Variants in MAP2K5 observed in about 807,000 individuals in gnomAD.
MAP2K5 encodes dual specificity mitogen-activated protein kinase kinase 5.
Under a neutral mutation model 83.1 loss-of-function variants are expected in MAP2K5, and 49 were observed. That is an observed-to-expected ratio of 0.59 (90% CI 0.47 to 0.75). The LOEUF (loss-of-function observed/expected upper bound fraction) is 0.75, where lower values mean the gene tolerates loss of function less well. MAP2K5 is among the 30% of genes least tolerant of loss of function. MAP2K5 has a pLI of 0.00. For missense variants in MAP2K5, 457 were observed against 557.5 expected, an observed-to-expected ratio of 0.82 and a Z score of 1.82; for synonymous variants, 202 against 191.8, an observed-to-expected ratio of 1.05 and a Z score of -0.44.
rs1029411461 is a variant in MAP2K5, at chr15:67,786,229, A to G, written c.1242+13477A>G. ...ATGTGACTTAGAATAAATTATATGTATGTCGGATGTTTGCAATTGGTGTAC... is the reference window on the plus strand; with the variant it reads ...ATGTGACTTAGAATAAATTATATGTGTGTCGGATGTTTGCAATTGGTGTAC... On this transcript the variant is annotated intron_variant, in intron 21 of 21. Transcript: ENST00000178640. The surrounding 1 kb of genome is among the most constrained non-coding windows in gnomAD (Gnocchi z 4.7). Among the ~76,000 whole-genome samples the G allele has an allele frequency of 2.0e-5, 3 of 151,706 alleles. No homozygotes were observed. Among genetic ancestry groups the G allele is most frequent in the Admixed American group, 6.6e-5 (1 of 15,236 alleles).
In MAP2K5 at chr15:67,693,571, A is replaced by G. The variant is rs190809177; in HGVS notation, c.972+3A>G. ...TTGGAACAAATGCTTATATGGCGGT[A>G]AGTAAACTTATGCAAAAATAATGTT... On this transcript the variant is annotated splice_donor_region_variant and intron_variant, in intron 15 of 21. Transcript: ENST00000178640. 1.2e-4 allele frequency: 200 copies of G among 1,608,140 alleles called. 1 individual carries two copies. In the African/African-American group the frequency reaches 2.5e-3, roughly 20 times the overall value.
At chr15:67,713,817 C>T (rs2088759361) in intron 16 of MAP2K5, among the ~76,000 whole-genome samples, 1 of 151,818 alleles carries the variant, frequency 6.6e-6, no homozygotes. Flanking sequence ...GCGAGTTTGT[C>T]ATTTTGTCAT....
intron 19 of MAP2K5, among the ~76,000 whole-genome samples, chr15:67,751,209 T>C (rs2089711757): frequency 6.6e-6 from 1 of 151,864 alleles, no homozygotes; most frequent in African/African-American, 2.4e-5. Flanking sequence ...TAAATAGGAA[T>C]AAGAACCATG....
intron 2 of MAP2K5, among the ~76,000 whole-genome samples, chr15:67,553,889 C>T (rs1167936532): frequency 1.1e-4 from 12 of 113,590 alleles, no homozygotes; most frequent in South Asian, 6.3e-4. Context: ...GTCCGCAGTC[C>T]GGCCTGGGCG....
chr15:67,782,595 A>G lies in MAP2K5; in HGVS notation c.1242+9843A>G, dbSNP rs2090346236. ...ACAGGGAGCAGCTAATTGTCTATGAAGGGCCCCCGTGTTTAAACGGGCTTG... is the reference window on the plus strand; with the variant it reads ...ACAGGGAGCAGCTAATTGTCTATGAGGGGCCCCCGTGTTTAAACGGGCTTG... On this transcript the variant is annotated intron_variant, in intron 21 of 21. Coordinates refer to ENST00000178640, the MANE Select transcript of MAP2K5 (RefSeq NM_145160.3). This position sits in a 1 kb window ranked among gnomAD's most constrained non-coding sequence, Gnocchi z 4.9. Among the ~76,000 whole-genome samples the G allele has an allele frequency of 6.6e-6, 1 of 152,210 alleles. No individual in the cohort carries two copies. The highest frequency in any genetic ancestry group is 1.5e-5 in the Non-Finnish European group (1 of 68,036).
rs75010760 is a variant in MAP2K5, at chr15:67,749,598, A to G, written c.1134+997A>G. Among the ~76,000 whole-genome samples, 12,573 of 152,220 alleles carry G rather than the reference A, an allele frequency of 0.083. 640 individuals are homozygous for G. Among genetic ancestry groups the G allele is most frequent in the East Asian group, 0.15 (789 of 5,190 alleles). On this transcript the variant is annotated intron_variant, in intron 19 of 21. Coordinates refer to ENST00000178640, the MANE Select transcript of MAP2K5 (RefSeq NM_145160.3). This position sits in a 1 kb window ranked among gnomAD's most constrained non-coding sequence, Gnocchi z 4.6. ...AGGAAAAAAATAAACACACACACACATATCACAATAATAGTAAGAGTGGGG... is the reference window on the plus strand; with the variant it reads ...AGGAAAAAAATAAACACACACACACGTATCACAATAATAGTAAGAGTGGGG...
At chr15:67,685,274 G>A (rs1331348089) in intron 13 of MAP2K5, among the ~76,000 whole-genome samples, 1 of 152,166 alleles carries the variant, frequency 6.6e-6, no homozygotes, top group Non-Finnish European at 1.5e-5. Context: ...CACAAGCTAT[G>A]CAAGCCAGAA....
At position 67,542,982 on chromosome 15, in the gene MAP2K5, A is replaced by G. The variant is rs1369118677; in HGVS notation, c.-354A>G. ...ACACCTGCCGCTGTATCTCCCCCAA[A>G]CCGAGTCCTTGCCCTGCTGCCTCCT... On this transcript the variant is annotated 5_prime_UTR_variant, in exon 1 of 22. Transcript: ENST00000178640. 4 of 293,114 alleles carry G rather than the reference A, an allele frequency of 1.4e-5. No homozygotes were observed. Among genetic ancestry groups the G allele is most frequent in the Non-Finnish European group, 2.6e-5 (4 of 150,990 alleles). 18.2% of individuals were successfully genotyped at this position (293,114 alleles called of 1,614,324 possible).
Position 67,587,667 on chromosome 15 carries a change from G to A in MAP2K5, c.431+754G>A, listed in dbSNP as rs1037279582. ...TCTTTCTATAGCGCCCACTCATAAC[G>A]TTTTAGTTAAGCCCTCAGAACGTGG... On this transcript the variant is annotated intron_variant, in intron 6 of 21. Coordinates refer to ENST00000178640, the MANE Select transcript of MAP2K5 (RefSeq NM_145160.3). This position sits in a 1 kb window ranked among gnomAD's most constrained non-coding sequence, Gnocchi z 4.8. Among the ~76,000 whole-genome samples, 25 of 152,254 alleles carry A rather than the reference G, an allele frequency of 1.6e-4. No individual in the cohort carries two copies. The highest frequency in any genetic ancestry group is 3.4e-3 in the Middle Eastern group (1 of 294).
intron 13 of MAP2K5, among the ~76,000 whole-genome samples, chr15:67,671,648 GT>G (rs879340541): frequency 0.012 from 1,821 of 148,404 alleles, 42 homozygotes; most frequent in African/African-American, 0.044. Flanking sequence ...GCAAGAACAC[GT>G]TTTTTTTTCT....
intron 19 of MAP2K5, among the ~76,000 whole-genome samples, chr15:67,751,587 T>C (rs1366411974): frequency 6.6e-6 from 1 of 152,172 alleles, no homozygotes; most frequent in East Asian, 1.9e-4. Flanking sequence ...TAACTGAAAT[T>C]TATGACTGTA....
In MAP2K5 at chr15:67,636,407, C is replaced by CA. The variant is rs566333001; in HGVS notation, c.585+5495dup. ...TGGGCAACAGAATAAGACTCCGTCT[C>CA]AAAAAAAAAAAAAAAGTATGAAATA... is the stretch of plus-strand genomic sequence containing the variant. On this transcript the variant is annotated intron_variant, in intron 9 of 21. Transcript: ENST00000178640. The surrounding 1 kb of genome is among the most constrained non-coding windows in gnomAD (Gnocchi z 4.7). 3.0e-3 allele frequency among the ~76,000 whole-genome samples: 331 copies of CA among 109,334 alleles called. 1 individual carries two copies. The highest frequency in any genetic ancestry group is 9.6e-3 in the Middle Eastern group (2 of 208). The allele number at this position is 109,334 out of a possible 152,430, so 71.7% of individuals were successfully genotyped here.
rs16951160 is a variant in MAP2K5 at position 67,719,228 on chromosome 15, C to T, written c.1045-8688C>T. Reference sequence around the variant, plus strand: ...GTGAAAATGGTAGCTACTGATCAGTCTAAGCAGTGATACGTAAGAGGGCCT... The same window carrying T: ...GTGAAAATGGTAGCTACTGATCAGTTTAAGCAGTGATACGTAAGAGGGCCT... On this transcript the variant is annotated intron_variant, in intron 16 of 21. Transcript: ENST00000178640. The surrounding 1 kb of genome is among the most constrained non-coding windows in gnomAD (Gnocchi z 4.6). 0.013 allele frequency among the ~76,000 whole-genome samples: 1,934 copies of T among 152,226 alleles called. 138 individuals are homozygous for T. Among genetic ancestry groups the T allele is most frequent in the Admixed American group, 0.11 (1,658 of 15,262 alleles).
chr15:67,671,853 C>T (rs1483129214), intron 13 of MAP2K5, among the ~76,000 whole-genome samples: 1 of 139,992 alleles, frequency 7.1e-6, no homozygotes, highest in African/African-American at 2.7e-5. Flanking sequence ...TGATGTTCCC[C>T]TTCCTGTGTC....
At chr15:67,688,272 TC>T in intron 13 of MAP2K5, among the ~76,000 whole-genome samples, 1 of 152,310 alleles carries the variant, frequency 6.6e-6, no homozygotes, top group African/African-American at 2.4e-5. Flanking sequence ...GGGAGGACTT[TC>T]CATTTTTGCA....
At chr15:67,792,898 C>A (rs1371386414) in intron 21 of MAP2K5, among the ~76,000 whole-genome samples, 1 of 152,164 alleles carries the variant, frequency 6.6e-6, no homozygotes, top group Non-Finnish European at 1.5e-5. Context: ...TGCTTCATGG[C>A]AAACTTTACA....
At chr15:67,766,335 T>TTAA (rs2090041223) in intron 19 of MAP2K5, among the ~76,000 whole-genome samples, 1 of 152,230 alleles carries the variant, frequency 6.6e-6, no homozygotes, top group East Asian at 1.9e-4. Flanking sequence ...AGAAAAGCCC[T>TTAA]TAAGGTGAGG....
At chr15:67,756,514 ACTGTGT>A (rs1310206479) in intron 19 of MAP2K5, among the ~76,000 whole-genome samples, 103 of 97,926 alleles carry the variant, frequency 1.1e-3, no homozygotes, top group African/African-American at 2.4e-3. Flanking sequence ...ACACACAGTT[ACTGTGT>A]GTGTGTGTGT....
chr15:67,578,853 C>T (rs2085118778), intron 3 of MAP2K5, among the ~76,000 whole-genome samples: 1 of 152,144 alleles, frequency 6.6e-6, no homozygotes, highest in South Asian at 2.1e-4. Context: ...TGCACCTGTT[C>T]TGACCCTTTA....
Sources: allele counts gnomAD v4.1 joint callset (sites outside exome capture counted in the v4.1 genomes callset), GRCh38; gene constraint gnomAD v4.1.1; non-coding constraint Gnocchi (gnomAD v3.1); transcripts MANE v1.5; gene names NCBI Gene and HGNC (gene_info 2026-07-23, HGNC 2026-07-21).